Variants in BRF1 observed in about 807,000 individuals in gnomAD.
The protein encoded by BRF1 is BRF1 general transcription factor IIIB subunit.
A neutral mutation model predicts 81.7 loss-of-function variants in BRF1; 59 were observed. The observed-to-expected ratio is 0.72, with a 90% CI of 0.59 to 0.90. The LOEUF (loss-of-function observed/expected upper bound fraction) is 0.90, where lower values mean the gene tolerates loss of function less well. Ranked by LOEUF, BRF1 falls within the 40% of genes least tolerant of loss-of-function variation. The pLI, the probability that BRF1 is intolerant of heterozygous loss-of-function variation, is 0.00. For synonymous variants in BRF1, 491 were observed against 395.6 expected (o/e 1.24, Z -2.86); for missense variants, 1,050 against 936.3 (o/e 1.12, Z -1.58).
At chr14:105,305,259 G>A (rs770998411), upstream of BRF1, among the ~76,000 whole-genome samples, 18 of 152,202 alleles carry the variant, frequency 1.2e-4, no homozygotes, top group African/African-American at 2.9e-4. Context: ...AAACTTAGCC[G>A]GTTGTGGTAG....
chr14:105,257,004 C>A (rs2055911504), intron 3 of BRF1, among the ~76,000 whole-genome samples: 1 of 152,196 alleles, frequency 6.6e-6, no homozygotes, highest in Non-Finnish European at 1.5e-5. Flanking sequence ...AGGCGTCAGG[C>A]AGGCAGTCCT....
intron 12 of BRF1, chr14:105,219,541 C>T (rs1891909371): frequency 1.9e-6 from 1 of 521,716 alleles, no homozygotes; most frequent in Non-Finnish European, 3.4e-6. Flanking sequence ...CACAAAGGGG[C>T]CAAGTGAGGG....
chr14:105,249,704 A>G (rs772458670), intron 5 of BRF1: 2 of 1,613,668 alleles, frequency 1.2e-6, no homozygotes, highest in African/African-American at 1.3e-5. Flanking sequence ...GTACGCTGCT[A>G]AGAAGTACAT....
chr14:105,293,639 G>A (rs1317926718), intron 1 of BRF1, among the ~76,000 whole-genome samples: 1 of 152,168 alleles, frequency 6.6e-6, no homozygotes, highest in Non-Finnish European at 1.5e-5. Context: ...TCAGGGCACT[G>A]CCAACGGCCC....
chr14:105,296,122 ACT>A (rs1243813568), intron 1 of BRF1, among the ~76,000 whole-genome samples: 2 of 148,278 alleles, frequency 1.3e-5, no homozygotes, highest in South Asian at 2.1e-4. Context: ...TGTATTAAAA[ACT>A]CTTAGGGGCC....
rs770411283 is a variant in BRF1, at chr14:105,217,602, G to C, written c.1714C>G (p.Arg572Gly). 103 of 1,613,292 alleles carry C rather than the reference G, an allele frequency of 6.4e-5. No homozygotes were observed. The Admixed American group carries it at 7.8e-4, about 12-fold the overall frequency. Residue 572 changes from arginine to glycine, a missense_variant, in exon 15 of 18, where the codon CGA (arginine) becomes GGA (glycine). Arg to Gly is a moderately radical substitution (Grantham distance 125). Around this residue, in one of 2 missense-constraint regions of BRF1, gnomAD observed 1,043 missense variants for 915.4 expected, o/e 1.14. Coordinates refer to ENST00000547530, the MANE Select transcript of BRF1 (RefSeq NM_001519.4). ...EHSASARKLS[R>G]RRTPASRSGA... ...CTTCTGCTGGCCGGCGTCCTCCTTC[G>C]TGACAGCTTCCTGGCACTGGCGCTA...
Position 105,228,730 on chromosome 14 carries a change from C to T in BRF1, c.788+90G>A, listed in dbSNP as rs191690366. 2,076 of 1,445,622 alleles carry T rather than the reference C, an allele frequency of 1.4e-3. 9 individuals are homozygous for T. Among genetic ancestry groups the T allele is most frequent in the South Asian group, 6.8e-3 (579 of 85,432 alleles). The allele number at this position is 1,445,622 out of a possible 1,614,324, so 89.5% of individuals were successfully genotyped here. ...AGCCAGGCGGGGGACGGCAGGGTCCCGGGAGGTGGCGCCTGCTCTGGCAAG... is the reference window on the plus strand; with the variant it reads ...AGCCAGGCGGGGGACGGCAGGGTCCTGGGAGGTGGCGCCTGCTCTGGCAAG... On this transcript the variant is annotated intron_variant, in intron 7 of 17. Transcript: ENST00000547530.
At chr14:105,297,524 C>T (rs1200624143) in intron 1 of BRF1, among the ~76,000 whole-genome samples, 1 of 150,838 alleles carries the variant, frequency 6.6e-6, no homozygotes, top group African/African-American at 2.4e-5. Context: ...GAGCTCAGAT[C>T]GCGCCACTGC....
intron 5 of BRF1, 86 bp from the exon 6 acceptor site, chr14:105,241,500 C>A: frequency 6.4e-7 from 1 of 1,553,402 alleles, no homozygotes. Flanking sequence ...GGTGGGGCAA[C>A]CTGCACTTGT....
intron 10 of BRF1, among the ~76,000 whole-genome samples, chr14:105,224,609 T>C (rs12893998): frequency 0.3 from 45,033 of 152,146 alleles, 7,294 homozygotes; most frequent in African/African-American, 0.41. Context: ...AATACAGTGG[T>C]GCAATCATAG....
intron 14 of BRF1, 75 bp from the exon 15 acceptor site, chr14:105,217,875 G>A (rs1207746300): frequency 1.3e-6 from 2 of 1,569,264 alleles, no homozygotes; most frequent in Admixed American, 3.4e-5. Flanking sequence ...TCCACGTGAG[G>A]CCAGGAGTGC....
chr14:105,214,661 C>T (rs1240651363), intron 15 of BRF1, among the ~76,000 whole-genome samples: 1 of 152,196 alleles, frequency 6.6e-6, no homozygotes, highest in South Asian at 2.1e-4. Flanking sequence ...CACCGGCAGC[C>T]AAAGAGAAAG....
At chr14:105,273,466 G>C (rs2056747786) in intron 2 of BRF1, among the ~76,000 whole-genome samples, 1 of 152,322 alleles carries the variant, frequency 6.6e-6, no homozygotes, top group African/African-American at 2.4e-5. Flanking sequence ...GGAGGGCCAT[G>C]GTGTAGGGAA....
chr14:105,214,529 G>T (rs587726040), intron 15 of BRF1, among the ~76,000 whole-genome samples: 14 of 74,986 alleles, frequency 1.9e-4, no homozygotes, highest in Non-Finnish European at 3.3e-4. Context: ...CCCCTGCGTG[G>T]CTCAGCTGCC....
Position 105,218,064 on chromosome 14 carries a change from C to T in BRF1, c.1516-264G>A, listed in dbSNP as rs587656226. ...GCCTCCAGACAGCAACAGCAGCAAA[C>T]ATGCCACAGGTGCTCAGGGCCCTGC... On this transcript the variant is annotated intron_variant, in intron 14 of 17. Transcript: ENST00000547530. Among the ~76,000 whole-genome samples the T allele has an allele frequency of 5.3e-5, 8 of 152,350 alleles. No homozygotes were observed. The South Asian group carries it at 1.2e-3, about 24-fold the overall frequency.
At chr14:105,255,970 T>C (rs1012831620) in intron 4 of BRF1, among the ~76,000 whole-genome samples, 1 of 151,792 alleles carries the variant, frequency 6.6e-6, no homozygotes. Context: ...CTACTAAAAA[T>C]ACAAAATAGC....
intron 3 of BRF1, among the ~76,000 whole-genome samples, chr14:105,259,248 G>C (rs1050253003): frequency 5.9e-5 from 9 of 151,810 alleles, no homozygotes; most frequent in Non-Finnish European, 1.2e-4. Context: ...GTTCAAGACC[G>C]GCCTGGGCAA....
rs1304298880 is a variant in BRF1 at position 105,309,566 on chromosome 14, C to G, written c.-162+5756G>C. ...TCACCTGCAGGATGCCATGGGATAC[C>G]CATGAGCCCAGGCAAATCTCCCAAG... On this transcript the variant is annotated intron_variant, in intron 1 of 17. Coordinates refer to the BRF1 transcript ENST00000327359. This position sits in a 1 kb window ranked among gnomAD's most constrained non-coding sequence, Gnocchi z 4.0. Among the ~76,000 whole-genome samples the G allele has an allele frequency of 6.6e-6, 1 of 152,172 alleles. No homozygotes were observed. Among genetic ancestry groups the G allele is most frequent in the East Asian group, 1.9e-4 (1 of 5,192 alleles).
At chr14:105,262,115 C>T (rs912912985) in intron 3 of BRF1, among the ~76,000 whole-genome samples, 2 of 152,250 alleles carry the variant, frequency 1.3e-5, no homozygotes, top group East Asian at 3.8e-4. Context: ...CACAGGAGCC[C>T]GGCAGGCAGA....
Sources: gnomAD v4.1 joint callset for allele counts (sites outside exome capture counted in the v4.1 genomes callset) on GRCh38, gnomAD v4.1.1 for gene constraint, gnomAD v4.1.1 regional missense constraint, Gnocchi (gnomAD v3.1) non-coding constraint, MANE v1.5 for transcripts, NCBI Gene and HGNC (gene_info 2026-07-23, HGNC 2026-07-21) for gene names.